Variants in ANXA11 observed in about 807,000 individuals in gnomAD.
ANXA11 encodes annexin A11.
In ANXA11, 57 loss-of-function variants were observed where a neutral mutation model predicts 64.7. That is an observed-to-expected ratio of 0.88 (90% CI 0.71 to 1.10). The LOEUF (loss-of-function observed/expected upper bound fraction) is 1.10, where lower values mean the gene tolerates loss of function less well. ANXA11 is among the 50% of genes least tolerant of loss of function. ANXA11 has a pLI of 0.00. For missense variants in ANXA11, 675 were observed against 670.7 expected (o/e 1.01, Z -0.07); for synonymous variants, 260 against 265.2 (o/e 0.98, Z 0.19).
chr10:80,164,510 G>GA (rs1845649481), intron 8 of ANXA11, among the ~76,000 whole-genome samples: 2 of 152,118 alleles, frequency 1.3e-5, no homozygotes, highest in Admixed American at 6.5e-5. Flanking sequence ...GACAACAACT[G>GA]AAAAAAATGG....
chr10:80,188,779 C>G (rs1225718597), intron 1 of ANXA11, among the ~76,000 whole-genome samples: 1 of 152,168 alleles, frequency 6.6e-6, no homozygotes, highest in Non-Finnish European at 1.5e-5. Flanking sequence ...CTGTGACCAA[C>G]ACGCCTAGTG....
In ANXA11 at chr10:80,159,114, C is replaced by A. The variant is rs778841776; in HGVS notation, c.1262G>T (p.Gly421Val). The change falls in exon 13 of 16, where the codon GGC becomes GTC. Residue 421 changes from glycine (G) to valine (V), a missense_variant. Physicochemically the swap from Gly to Val is moderately radical, Grantham distance 109. Coordinates refer to ENST00000422982, the MANE Select transcript of ANXA11 (RefSeq NM_145868.2). The part of the protein sequence containing the change: ...CREMSGDLEE[G>V]MLAVVKCLKN... ...GAGACACTTACCCACGGCCAGCATG[C>A]CCTCCTCCAGGTCCCCGGACATCTC... 5 of 1,613,832 alleles carry A rather than the reference C, an allele frequency of 3.1e-6. No homozygotes were observed. Among genetic ancestry groups the A allele is most frequent in the Non-Finnish European group, 4.2e-6 (5 of 1,179,944 alleles).
intron 5 of ANXA11, 43 bp downstream of exon 5, chr10:80,168,926 G>T: frequency 6.8e-7 from 1 of 1,465,458 alleles, no homozygotes. Flanking sequence ...CCAGCCTTTG[G>T]GGCCCAGGCC....
In ANXA11 at chr10:80,186,967, G is replaced by A. The variant is rs143749973; in HGVS notation, c.-57-10812C>T. Among the ~76,000 whole-genome samples the A allele has an allele frequency of 4.9e-3, 745 of 152,352 alleles. 4 individuals carry two copies. Among genetic ancestry groups the A allele is most frequent in the Non-Finnish European group, 7.2e-3 (493 of 68,034 alleles). Reference sequence around the variant, plus strand: ...GCTGAGTCCAATTCAGAATTTCTGAGGAGTGGAAAGTGGGCAGCAGAGGAA... The same window carrying A: ...GCTGAGTCCAATTCAGAATTTCTGAAGAGTGGAAAGTGGGCAGCAGAGGAA... On this transcript the variant is annotated intron_variant, in intron 1 of 15. Coordinates refer to ENST00000422982, the MANE Select transcript of ANXA11 (RefSeq NM_145868.2).
In ANXA11 at chr10:80,166,088, A is replaced by G. The variant is rs1845723453; in HGVS notation, c.854T>C (p.Ile285Thr). The G allele has an allele frequency of 6.3e-7, 1 of 1,577,662 alleles. No individual in the cohort carries two copies. Among genetic ancestry groups the G allele is most frequent in the Admixed American group, 1.7e-5 (1 of 59,646 alleles). Reference protein sequence around the residue: ...LFDIYEIKEAIKGVGTDEACL... With the variant: ...LFDIYEIKEATKGVGTDEACL... ...CACACACACACACGTACACACCTTG[A>G]TGGCTTCCTTTATCTCATAAATGTC... Residue 285 changes from isoleucine (I) to threonine (T), a missense_variant, in exon 8 of 16, where the codon ATC becomes ACC. Ile to Thr is a moderately conservative substitution (Grantham distance 89). Transcript: ENST00000422982.
chr10:80,187,531 G>A (rs1168103268), intron 1 of ANXA11, among the ~76,000 whole-genome samples: 5 of 151,040 alleles, frequency 3.3e-5, no homozygotes, highest in East Asian at 1.9e-4. Flanking sequence ...GGATGCACGC[G>A]CATGTGCGCG....
intron 1 of ANXA11, among the ~76,000 whole-genome samples, chr10:80,199,685 G>T (rs574658685): frequency 7.9e-5 from 12 of 152,186 alleles, no homozygotes; most frequent in Non-Finnish European, 1.6e-4. Flanking sequence ...AAATAAAAAT[G>T]AAAAAATATG....
At chr10:80,189,739 A>G (rs1846690643) in intron 1 of ANXA11, among the ~76,000 whole-genome samples, 1 of 152,212 alleles carries the variant, frequency 6.6e-6, no homozygotes, top group Non-Finnish European at 1.5e-5. Context: ...GGACTTTGGA[A>G]CATTTCAGAT....
Position 80,169,078 on chromosome 10 carries a change from G to C in ANXA11, c.452C>G (p.Thr151Ser). ...PGAYPGQPPV[T>S]YPGQPPVPLP... Reference sequence around the variant, plus strand: ...TGGCACTGGAGGCTGACCAGGGTAGGTCACTGGTGGCTGCCCAGGGTAGGC... The same window carrying C: ...TGGCACTGGAGGCTGACCAGGGTAGCTCACTGGTGGCTGCCCAGGGTAGGC... Residue 151 changes from threonine (T) to serine (S), a missense_variant, in exon 5 of 16, where the codon ACC becomes AGC. Coordinates refer to ENST00000422982, the MANE Select transcript of ANXA11 (RefSeq NM_145868.2). 1 of 1,535,864 alleles carries C rather than the reference G, an allele frequency of 6.5e-7. No homozygotes were observed. Among genetic ancestry groups the C allele is most frequent in the Admixed American group, 2.2e-5 (1 of 45,392 alleles).
chr10:80,163,735 G>A (rs1446432633), intron 9 of ANXA11, 122 bp from the exon 10 acceptor site: 1 of 914,238 alleles, frequency 1.1e-6, no homozygotes, highest in African/African-American at 1.7e-5. Context: ...TCGGGCTCAA[G>A]AGAACAAATA....
chr10:80,169,170 A>G lies in ANXA11; in HGVS notation c.360T>C (p.Tyr120=), dbSNP rs1845870796. 1.3e-6 allele frequency: 2 copies of G among 1,589,190 alleles called. No individual in the cohort carries two copies. The highest frequency in any genetic ancestry group is 2.2e-5 in the East Asian group (1 of 44,620). The change falls in exon 5 of 16, where the codon TAT becomes TAC. Residue 120 remains tyrosine, a synonymous_variant. Coordinates refer to ENST00000422982, the MANE Select transcript of ANXA11 (RefSeq NM_145868.2). ...GCACAGGGGCCCCTGGGTATGGCGG[A>G]TATGAGGGCATCCTGGAGGGTGGGT... ...GGNPPSRMPS[Y]PPYPGAPVPG...
At chr10:80,167,956 T>C (rs747708783) in intron 5 of ANXA11, among the ~76,000 whole-genome samples, 4 of 151,974 alleles carry the variant, frequency 2.6e-5, no homozygotes, top group Admixed American at 6.5e-5. Flanking sequence ...TATAACACAA[T>C]TAAGAGGGCA....
At chr10:80,156,952 T>G in intron 15 of ANXA11, 1 of 984,142 alleles carries the variant, frequency 1.0e-6, no homozygotes, top group Non-Finnish European at 1.2e-6. Context: ...AAGGCTCATG[T>G]GAGTTCAGAA....
intron 2 of ANXA11, among the ~76,000 whole-genome samples, chr10:80,174,513 G>T (rs1846096617): frequency 4.0e-5 from 6 of 150,794 alleles, no homozygotes; most frequent in Admixed American, 4.0e-4. Flanking sequence ...CTGACCTCAG[G>T]TGATCTGCCT....
chr10:80,166,038 G>GTGCA, intron 8 of ANXA11, 46 bp downstream of exon 8: 1 of 557,396 alleles, frequency 1.8e-6, no homozygotes, highest in Non-Finnish European at 2.7e-6. Context: ...GCGCACACAC[G>GTGCA]CGCGCACACA....
rs747833071 is a variant in ANXA11 at position 80,172,802 on chromosome 10, C to G, written c.55+5G>C. ...CACTCTCCTCCCCACCCCAGACCCT[C>G]TTACCTGGTGCAGCTGGTGGGTAGC... On this transcript the variant is annotated splice_donor_5th_base_variant and intron_variant, in intron 3 of 15. Transcript: ENST00000422982. 6.2e-7 allele frequency: 1 copy of G among 1,613,992 alleles called. No individual in the cohort carries two copies. Among genetic ancestry groups the G allele is most frequent in the Non-Finnish European group, 8.5e-7 (1 of 1,179,904 alleles).
intron 1 of ANXA11, among the ~76,000 whole-genome samples, chr10:80,202,166 C>T (rs1044766014): frequency 1.4e-5 from 2 of 139,758 alleles, no homozygotes; most frequent in Non-Finnish European, 3.0e-5. Context: ...CCATTCCAGG[C>T]AGGCATTTTA....
chr10:80,177,389 G>A (rs894912197), intron 1 of ANXA11, among the ~76,000 whole-genome samples: 1 of 152,060 alleles, frequency 6.6e-6, no homozygotes, highest in African/African-American at 2.4e-5. Context: ...CTACCTCCCC[G>A]GACTGGTACA....
intron 2 of ANXA11, among the ~76,000 whole-genome samples, chr10:80,175,766 A>G (rs1011426656): frequency 1.3e-5 from 2 of 152,288 alleles, no homozygotes; most frequent in East Asian, 3.9e-4. Context: ...TTAAAAATAC[A>G]CAGATGTCGG....
Sources: gnomAD v4.1 joint callset for allele counts (sites outside exome capture counted in the v4.1 genomes callset) on GRCh38, gnomAD v4.1.1 for gene constraint, MANE v1.5 for transcripts, NCBI Gene and HGNC (gene_info 2026-07-23, HGNC 2026-07-21) for gene names.